Variants in ILKAP observed in about 807,000 individuals in gnomAD.
The protein encoded by ILKAP is integrin-linked kinase-associated serine/threonine phosphatase 2C.
Under a neutral mutation model 49.1 loss-of-function variants are expected in ILKAP, and 11 were observed. The observed-to-expected ratio is 0.22, with a 90% CI of 0.14 to 0.37. The LOEUF is 0.37. Ranked by LOEUF, ILKAP falls within the 10% of genes least tolerant of loss-of-function variation. ILKAP has a pLI of 1.00. For missense variants in ILKAP, 363 were observed against 510.8 expected, an observed-to-expected ratio of 0.71 and a Z score of 2.79; for synonymous variants, 186 against 192.8, an observed-to-expected ratio of 0.96 and a Z score of 0.29.
At position 238,185,383 on chromosome 2, in the gene ILKAP, A is replaced by G. The variant is rs184521265; in HGVS notation, c.426-96T>C. On this transcript the variant is annotated intron_variant, in intron 5 of 11. Transcript: ENST00000254654. Reference sequence around the variant, plus strand: ...ATTTCGTCTCAAAGAGTGAACATTAATAAGTCAGAGGAAGTCACACTGGTT... The same window carrying G: ...ATTTCGTCTCAAAGAGTGAACATTAGTAAGTCAGAGGAAGTCACACTGGTT... 1.6e-4 allele frequency: 123 copies of G among 778,730 alleles called. 1 individual carries two copies. The highest frequency in any genetic ancestry group is 1.4e-3 in the African/African-American group (81 of 57,762). The allele number at this position is 778,730 out of a possible 1,614,324, so 48.2% of individuals were successfully genotyped here.
chr2:238,170,714 C>T, intron 11 of ILKAP, 38 bp from the exon 12 acceptor site: 1 of 1,599,666 alleles, frequency 6.3e-7, no homozygotes, highest in Non-Finnish European at 8.5e-7. Flanking sequence ...ATGGAGTGAC[C>T]CCGCACCCTG....
rs769237239 is a variant in ILKAP at position 238,194,825 on chromosome 2, G to A, written c.101C>T (p.Pro34Leu). The A allele has an allele frequency of 3.3e-5, 54 of 1,613,970 alleles. No homozygotes were observed. The highest frequency in any genetic ancestry group is 4.2e-5 in the Non-Finnish European group (49 of 1,179,966). Residue 34 changes from proline (P) to leucine (L), a missense_variant, in exon 2 of 12, where the codon CCG (proline) becomes CTG (leucine). Physicochemically the swap from Pro to Leu is moderately conservative, Grantham distance 98 (BLOSUM62 -3). Transcript: ENST00000254654. Reference sequence around the variant, plus strand: ...TGTACCTGAGTCAGTACTGCTGGCCGGAGGGAGGTCATCAAAGAGCAGGGG... The same window carrying A: ...TGTACCTGAGTCAGTACTGCTGGCCAGAGGGAGGTCATCAAAGAGCAGGGG... ...KGPLLFDDLP[P>L]ASSTDSGSGG...
In ILKAP at chr2:238,171,141, G is replaced by A; in HGVS notation, c.957-117C>T. ...ATTTGTCCAACTATTCAAAGGCTAA[G>A]GTTTTTTTTTTCTTTTTTCTTTTTT... On this transcript the variant is annotated intron_variant, in intron 10 of 11. Transcript: ENST00000254654. 4 of 680,728 alleles carry A rather than the reference G, an allele frequency of 5.9e-6. No homozygotes were observed. In the East Asian group the frequency reaches 1.2e-4, roughly 20 times the overall value. 42.2% of individuals were successfully genotyped at this position (680,728 alleles called of 1,614,324 possible). A position where few individuals can be genotyped will look rare whatever the true frequency, so the allele number is the denominator to read the frequency against.
chr2:238,171,416 C>A (rs1693214757), intron 10 of ILKAP, among the ~76,000 whole-genome samples: 1 of 152,170 alleles, frequency 6.6e-6, no homozygotes, highest in Non-Finnish European at 1.5e-5. Context: ...CTGCCTCAGC[C>A]TCCCAAAGTG....
At chr2:238,172,487 C>A (rs1693267690) in intron 10 of ILKAP, among the ~76,000 whole-genome samples, 1 of 152,224 alleles carries the variant, frequency 6.6e-6, no homozygotes, top group Non-Finnish European at 1.5e-5. Flanking sequence ...CCTCAATAAC[C>A]AATCACACAG....
intron 3 of ILKAP, 115 bp downstream of exon 3, chr2:238,194,160 G>T: frequency 2.5e-6 from 2 of 804,354 alleles, no homozygotes; most frequent in Admixed American, 2.2e-5. Context: ...ACCTTATGCT[G>T]TATTATGACT....
chr2:238,189,624 A>C, intron 4 of ILKAP: 2 of 329,742 alleles, frequency 6.1e-6, no homozygotes, highest in Non-Finnish European at 1.1e-5. Context: ...CTCTTGAGGA[A>C]CAAATGTAGG....
intron 1 of ILKAP, among the ~76,000 whole-genome samples, chr2:238,199,120 C>A (rs1192700740): frequency 6.6e-6 from 1 of 152,140 alleles, no homozygotes; most frequent in Non-Finnish European, 1.5e-5. Flanking sequence ...CCCATCAAGG[C>A]ATGCTCCAGG....
intron 9 of ILKAP, among the ~76,000 whole-genome samples, chr2:238,181,846 T>A (rs1156489645): frequency 6.6e-6 from 1 of 152,138 alleles, no homozygotes; most frequent in Admixed American, 6.5e-5. Flanking sequence ...AAATATGAAT[T>A]TGTCCTTTTG....
chr2:238,189,951 G>T lies in ILKAP; in HGVS notation c.200C>A (p.Ser67Tyr). 3.1e-6 allele frequency: 5 copies of T among 1,613,956 alleles called. No individual in the cohort carries two copies. The highest frequency in any genetic ancestry group is 4.2e-6 in the Non-Finnish European group (5 of 1,179,932). The change falls in exon 4 of 12, where the codon TCC (serine) becomes TAC (tyrosine). Residue 67 changes from serine (S) to tyrosine (Y), a missense_variant. Physicochemically the swap from Ser to Tyr is moderately radical, Grantham distance 144. This residue lies in a region of ILKAP where 114 missense variants were observed against 116.0 expected (regional missense o/e 0.98). Transcript: ENST00000254654. ...GDSGSLATSI[S>Y]QMVKTEGKGA... Reference sequence around the variant, plus strand: ...TTTCCCTTCAGTCTTTACCATCTGGGATATTGATGTGGCAAGAGAACCTGG... The same window carrying T: ...TTTCCCTTCAGTCTTTACCATCTGGTATATTGATGTGGCAAGAGAACCTGG...
rs13382589 is a variant in ILKAP, at chr2:238,173,799, G to T, written c.837-146C>A. 7 of 1,010,268 alleles carry T rather than the reference G, an allele frequency of 6.9e-6. No homozygotes were observed. In the East Asian group the frequency reaches 1.3e-4, roughly 19 times the overall value. The allele number at this position is 1,010,268 out of a possible 1,614,324, so 62.6% of individuals were successfully genotyped here. On this transcript the variant is annotated intron_variant, in intron 9 of 11. Transcript: ENST00000254654. ...TTATTAACCACTACTGACATTTCTT[G>T]ATCTCAAATATGCAGGGGTGTCTAG...
intron 1 of ILKAP, among the ~76,000 whole-genome samples, chr2:238,198,348 CCCT>C (rs1434748776): frequency 3.3e-5 from 5 of 152,098 alleles, no homozygotes; most frequent in Admixed American, 3.3e-4. Flanking sequence ...AAGCAATCCT[CCCT>C]CGTCAGATTC....
chr2:238,199,396 T>A (rs761409692), intron 1 of ILKAP, among the ~76,000 whole-genome samples: 1 of 152,238 alleles, frequency 6.6e-6, no homozygotes, highest in Non-Finnish European at 1.5e-5. Context: ...TATGAGAAAG[T>A]CTACTTCGCT....
At chr2:238,180,983 C>A (rs4663856) in intron 9 of ILKAP, among the ~76,000 whole-genome samples, 72,898 of 151,996 alleles carry the variant, frequency 0.48, 17,741 homozygotes, top group Middle Eastern at 0.59. Context: ...AAAACTGGGC[C>A]AACAGCACTG....
chr2:238,191,014 G>A (rs1276231238), intron 3 of ILKAP, among the ~76,000 whole-genome samples: 1 of 151,918 alleles, frequency 6.6e-6, no homozygotes, highest in Non-Finnish European at 1.5e-5. Context: ...GAATGCAGTG[G>A]CATGATCACA....
At chr2:238,171,430 G>A (rs970883832) in intron 10 of ILKAP, among the ~76,000 whole-genome samples, 1 of 152,036 alleles carries the variant, frequency 6.6e-6, no homozygotes, top group Non-Finnish European at 1.5e-5. Flanking sequence ...CAAAGTGCTG[G>A]GATTACAGGC....
intron 4 of ILKAP, chr2:238,188,506 A>C (rs1003779541): frequency 4.2e-5 from 17 of 405,592 alleles, no homozygotes; most frequent in African/African-American, 3.4e-4. Context: ...AGTGAGCACA[A>C]AACAACTCTG....
intron 1 of ILKAP, among the ~76,000 whole-genome samples, chr2:238,202,889 A>G (rs1036216435): frequency 4.7e-5 from 7 of 148,144 alleles, no homozygotes; most frequent in African/African-American, 1.5e-4. Flanking sequence ...GTGGACCAGA[A>G]AAAAAAAAAA....
In ILKAP at chr2:238,171,009, G is replaced by A; in HGVS notation, c.972C>T (p.Ala324=). The change falls in exon 11 of 12, where the codon GCC becomes GCT. Residue 324 remains alanine, a synonymous_variant. Coordinates refer to ENST00000254654, the MANE Select transcript of ILKAP (RefSeq NM_030768.3). ...LTPNDRFILL[A]CDGLFKVFTP... is the part of the protein sequence containing the mutation. ...TAAAGACCTTGAAGAGCCCATCACA[G>A]GCCAACAAAATGAACCTACAACACC... 1.2e-6 allele frequency: 2 copies of A among 1,613,570 alleles called. No individual in the cohort carries two copies. The highest frequency in any genetic ancestry group is 2.2e-5 in the South Asian group (2 of 91,068).
Sources: allele counts gnomAD v4.1 joint callset (sites outside exome capture counted in the v4.1 genomes callset), GRCh38; gene constraint gnomAD v4.1.1; regional missense constraint gnomAD v4.1.1; transcripts MANE v1.5; gene names NCBI Gene and HGNC (gene_info 2026-07-23, HGNC 2026-07-21).